The following TG variants were observed in gnomAD, a reference collection of about 807,000 sequenced individuals.
TG encodes the protein thyroid hormones.
TG carries 270 observed loss-of-function variants against 324.7 expected under a neutral mutation model. The observed-to-expected ratio is 0.83, with a 90% CI of 0.75 to 0.92. The LOEUF (loss-of-function observed/expected upper bound fraction) is 0.92, where lower values mean the gene tolerates loss of function less well. Ranked by LOEUF, TG falls within the 40% of genes least tolerant of loss-of-function variation. The pLI, the probability that TG is intolerant of heterozygous loss-of-function variation, is 0.00. For synonymous variants in TG, 1,401 were observed against 1,327.0 expected (o/e 1.06, Z -1.21); for missense variants, 3,591 against 3,456.4 (o/e 1.04, Z -0.98).
rs565347101 is a variant in TG, at chr8:133,122,391, A to T, written c.7862+5675A>T. Among the ~76,000 whole-genome samples the T allele has an allele frequency of 1.5e-4, 23 of 152,364 alleles. No individual in the cohort carries two copies. In the South Asian group the frequency reaches 4.6e-3, roughly 30 times the overall value. On this transcript the variant is annotated intron_variant, in intron 45 of 47. Transcript: ENST00000220616. The stretch of plus-strand genomic sequence containing the variant: ...AGACCGTCTAGCTCCTTCATTTTAC[A>T]TGTAAAGAAACAAAAGCCCAGGGAT...
chr8:132,883,015 G>A lies in TG; in HGVS notation c.1075+16G>A, dbSNP rs780311501. On this transcript the variant is annotated intron_variant, in intron 8 of 47. Transcript: ENST00000220616. Reference sequence around the variant, plus strand: ...CCATCTTGTGGTGGGTTTCCTCTGGGGGCTTCCTCTTTCGGCCTCGGATCA... The same window carrying A: ...CCATCTTGTGGTGGGTTTCCTCTGGAGGCTTCCTCTTTCGGCCTCGGATCA... 4.3e-6 allele frequency: 7 copies of A among 1,612,542 alleles called. No individual in the cohort carries two copies. Among genetic ancestry groups the A allele is most frequent in the Non-Finnish European group, 5.1e-6 (6 of 1,179,608 alleles).
At chr8:132,884,362 G>A (rs565631150) in intron 8 of TG, among the ~76,000 whole-genome samples, 13 of 152,342 alleles carry the variant, frequency 8.5e-5, no homozygotes, top group African/African-American at 2.6e-4. Context: ...ATGTTATGAT[G>A]AGGAAGGGAA....
At chr8:132,948,373 G>T (rs1435560529) in intron 26 of TG, among the ~76,000 whole-genome samples, 2 of 152,102 alleles carry the variant, frequency 1.3e-5, no homozygotes, top group Non-Finnish European at 2.9e-5. Context: ...GGCAGAAGGG[G>T]AGGAGAAAAA....
chr8:132,946,257 G>A (rs1825276545), intron 26 of TG, among the ~76,000 whole-genome samples: 1 of 151,870 alleles, frequency 6.6e-6, no homozygotes, highest in Non-Finnish European at 1.5e-5. Flanking sequence ...GATCATATAT[G>A]GAAGAATGTT....
chr8:133,031,932 C>T (rs958391475), intron 41 of TG, among the ~76,000 whole-genome samples: 2 of 152,154 alleles, frequency 1.3e-5, no homozygotes, highest in African/African-American at 4.8e-5. Flanking sequence ...GCTTGTGCTG[C>T]CTGTACGTCT....
intron 35 of TG, among the ~76,000 whole-genome samples, chr8:132,988,498 G>C (rs527428812): frequency 6.6e-6 from 1 of 152,264 alleles, no homozygotes; most frequent in East Asian, 1.9e-4. Flanking sequence ...GTGGAACAAT[G>C]ATCTTTAAAA....
At chr8:133,041,807 TAGACGGAGTC>T (rs1838311314) in intron 41 of TG, among the ~76,000 whole-genome samples, 1 of 142,112 alleles carries the variant, frequency 7.0e-6, no homozygotes, top group Non-Finnish European at 1.5e-5. Flanking sequence ...TTTTTTTTTT[TAGACGGAGTC>T]TTGCTCTGTC....
At chr8:133,104,300 C>T (rs958670403) in intron 43 of TG, among the ~76,000 whole-genome samples, 5 of 152,170 alleles carry the variant, frequency 3.3e-5, no homozygotes, top group Non-Finnish European at 5.9e-5. Flanking sequence ...ATGTTTCAAG[C>T]TAATAATAGA....
At chr8:132,932,279 G>A (rs1243177198) in intron 23 of TG, among the ~76,000 whole-genome samples, 1 of 152,160 alleles carries the variant, frequency 6.6e-6, no homozygotes, top group Non-Finnish European at 1.5e-5. Flanking sequence ...CTGCACCCAA[G>A]AATGTCATCT....
intron 43 of TG, among the ~76,000 whole-genome samples, chr8:133,100,950 T>G (rs986355925): frequency 4.8e-5 from 7 of 144,458 alleles, no homozygotes; most frequent in African/African-American, 1.6e-4. Context: ...CATGAACCAG[T>G]ATTTAACACG....
intron 45 of TG, among the ~76,000 whole-genome samples, chr8:133,130,286 T>C (rs1031958516): frequency 6.6e-6 from 1 of 152,208 alleles, no homozygotes; most frequent in African/African-American, 2.4e-5. Flanking sequence ...CAGGCTATTG[T>C]AGTAACAGTT....
At chr8:133,029,192 T>G (rs777178474) in intron 40 of TG, among the ~76,000 whole-genome samples, 1 of 151,992 alleles carries the variant, frequency 6.6e-6, no homozygotes, top group Admixed American at 6.6e-5. Context: ...GAGAAGAGCA[T>G]ATTTTTGCTA....
At position 132,987,709 on chromosome 8, in the gene TG, G is replaced by A. The variant is rs150341207; in HGVS notation, c.6262+4297G>A. Among the ~76,000 whole-genome samples, 261 of 111,354 alleles carry A rather than the reference G, an allele frequency of 2.3e-3. 3 individuals are homozygous for A. Among genetic ancestry groups the A allele is most frequent in the African/African-American group, 9.2e-3 (238 of 25,944 alleles). 73.1% of individuals were successfully genotyped at this position (111,354 alleles called of 152,430 possible). Reference sequence around the variant, plus strand: ...TCTCTTGGTTTCATGTCTTTTATACGTGTGTGTGTGTGGTGTGTGTGTGTG... The same window carrying A: ...TCTCTTGGTTTCATGTCTTTTATACATGTGTGTGTGTGGTGTGTGTGTGTG... On this transcript the variant is annotated intron_variant, in intron 35 of 47. Transcript: ENST00000220616.
chr8:132,980,508 T>G (rs2130655081), intron 34 of TG, among the ~76,000 whole-genome samples: 1 of 152,208 alleles, frequency 6.6e-6, no homozygotes, highest in East Asian at 1.9e-4. Context: ...GTTTCTGAGT[T>G]GTATACTTTA....
At chr8:132,995,534 C>A in intron 35 of TG, 2 of 985,338 alleles carry the variant, frequency 2.0e-6, no homozygotes, top group Non-Finnish European at 2.4e-6. Context: ...TGGTTGTTCA[C>A]ATGCATTTGT....
At chr8:132,874,239 G>T (rs1839759625) in intron 5 of TG, among the ~76,000 whole-genome samples, 1 of 152,060 alleles carries the variant, frequency 6.6e-6, no homozygotes, top group Non-Finnish European at 1.5e-5. Flanking sequence ...GAGGAAAAAA[G>T]GCAGCACTCC....
chr8:132,949,330 A>T (rs1825784522), intron 27 of TG, among the ~76,000 whole-genome samples: 1 of 152,238 alleles, frequency 6.6e-6, no homozygotes, highest in South Asian at 2.1e-4. Flanking sequence ...AGAAGCAGGA[A>T]AAAGGAGAAA....
chr8:133,009,408 A>G (rs2130874763), intron 35 of TG, among the ~76,000 whole-genome samples: 1 of 152,272 alleles, frequency 6.6e-6, no homozygotes, highest in African/African-American at 2.4e-5. Flanking sequence ...CCTGAGTCTT[A>G]GGATGGCACC....
intron 45 of TG, among the ~76,000 whole-genome samples, chr8:133,126,178 G>A (rs1851503645): frequency 6.6e-6 from 1 of 152,150 alleles, no homozygotes; most frequent in Non-Finnish European, 1.5e-5. Context: ...AGAGGGTTAA[G>A]CTGGAAAATG....
Sources: gnomAD v4.1 joint callset for allele counts (sites outside exome capture counted in the v4.1 genomes callset) on GRCh38, gnomAD v4.1.1 for gene constraint, MANE v1.5 for transcripts, NCBI Gene and HGNC (gene_info 2026-07-23, HGNC 2026-07-21) for gene names.